ROBO2: variants seen among roughly 807,000 people sequenced by gnomAD.
ROBO2 encodes roundabout homolog 2.
ROBO2 carries 53 observed loss-of-function variants against 160.8 expected under a neutral mutation model. The observed-to-expected ratio is 0.33, with a 90% CI of 0.26 to 0.41. The LOEUF (loss-of-function observed/expected upper bound fraction) is 0.41, where lower values mean the gene tolerates loss of function less well. Ranked by LOEUF, ROBO2 falls within the 10% of genes least tolerant of loss-of-function variation. ROBO2 has a pLI of 1.00. For synonymous variants in ROBO2, 664 were observed against 611.7 expected (o/e 1.09, Z -1.26); for missense variants, 1,577 against 1,722.4 (o/e 0.92, Z 1.49).
chr3:76,506,103 G>A (rs115094174), intron 2 of ROBO2, among the ~76,000 whole-genome samples: 2,900 of 152,232 alleles, frequency 0.019, 63 homozygotes, highest in African/African-American at 0.05. Context: ...CTCTGCCAGC[G>A]TCTCTGTCTA....
intron 2 of ROBO2, among the ~76,000 whole-genome samples, chr3:76,663,877 C>T (rs757478761): frequency 6.6e-6 from 1 of 151,622 alleles, no homozygotes; most frequent in South Asian, 2.1e-4. Flanking sequence ...GCACTTCTGC[C>T]TGGCAACAAG....
intron 2 of ROBO2, among the ~76,000 whole-genome samples, chr3:76,135,898 C>T (rs988211257): frequency 1.3e-5 from 2 of 151,922 alleles, no homozygotes; most frequent in Admixed American, 6.6e-5. Flanking sequence ...TATTACTTCA[C>T]GAGTATTAAA....
chr3:76,828,339 T>A (rs2066759011), intron 2 of ROBO2, among the ~76,000 whole-genome samples: 1 of 152,066 alleles, frequency 6.6e-6, no homozygotes, highest in Non-Finnish European at 1.5e-5. Context: ...ATATGAAATT[T>A]TAATCAGTTA....
At chr3:76,757,791 G>A (rs1250134237) in intron 2 of ROBO2, among the ~76,000 whole-genome samples, 2 of 151,698 alleles carry the variant, frequency 1.3e-5, no homozygotes, top group African/African-American at 2.4e-5. Flanking sequence ...AAACCACAGA[G>A]TTCACTCAGA....
chr3:77,570,834 A>C (rs2093619462), intron 13 of ROBO2, among the ~76,000 whole-genome samples: 2 of 152,018 alleles, frequency 1.3e-5, no homozygotes, highest in African/African-American at 2.4e-5. Context: ...GTTTTGGGCC[A>C]GCTGAGGAAG....
chr3:77,311,233 T>C (rs2063519644), intron 2 of ROBO2, among the ~76,000 whole-genome samples: 1 of 152,200 alleles, frequency 6.6e-6, no homozygotes, highest in African/African-American at 2.4e-5. Context: ...TGGTTTTTGC[T>C]AAAGGCCACA....
intron 2 of ROBO2, among the ~76,000 whole-genome samples, chr3:77,273,452 G>T (rs894012537): frequency 6.6e-6 from 1 of 152,142 alleles, no homozygotes; most frequent in Non-Finnish European, 1.5e-5. Context: ...AGTATTCACG[G>T]ATCTGAGTCT....
chr3:77,554,155 C>T (rs1462106416), intron 8 of ROBO2, among the ~76,000 whole-genome samples: 1 of 151,858 alleles, frequency 6.6e-6, no homozygotes, highest in African/African-American at 2.4e-5. Context: ...TCTACTCTGC[C>T]TGTGCTCTGT....
intron 2 of ROBO2, among the ~76,000 whole-genome samples, chr3:76,808,451 G>C (rs1242031440): frequency 6.6e-6 from 1 of 152,006 alleles, no homozygotes; most frequent in Non-Finnish European, 1.5e-5. Flanking sequence ...GAACACATTA[G>C]TGAATTAAAC....
At chr3:77,452,751 G>A (rs979511641) in intron 2 of ROBO2, among the ~76,000 whole-genome samples, 1 of 151,308 alleles carries the variant, frequency 6.6e-6, no homozygotes, top group African/African-American at 2.5e-5. Flanking sequence ...GATATTTTGT[G>A]TCCTAAAACC....
chr3:76,647,857 T>C (rs2091056443), intron 2 of ROBO2, among the ~76,000 whole-genome samples: 1 of 152,062 alleles, frequency 6.6e-6, no homozygotes, highest in Admixed American at 6.6e-5. Context: ...GTAAAGTAAA[T>C]GTGGGGGAAA....
chr3:76,472,754 A>T (rs572109699), intron 2 of ROBO2, among the ~76,000 whole-genome samples: 7 of 152,324 alleles, frequency 4.6e-5, no homozygotes, highest in South Asian at 2.1e-4. Context: ...GATGCTTGAA[A>T]GGCATCAGAT....
intron 7 of ROBO2, among the ~76,000 whole-genome samples, chr3:77,549,827 T>C (rs1024023356): frequency 6.6e-6 from 1 of 152,032 alleles, no homozygotes; most frequent in Non-Finnish European, 1.5e-5. Flanking sequence ...GATTGCAACG[T>C]ATTGAAACTG....
At chr3:76,504,933 A>C (rs2080714608) in intron 2 of ROBO2, among the ~76,000 whole-genome samples, 1 of 152,104 alleles carries the variant, frequency 6.6e-6, no homozygotes, top group Admixed American at 6.6e-5. Context: ...TATTGTTTCA[A>C]ATTTCATCAT....
At chr3:76,333,744 G>T (rs182738866) in intron 2 of ROBO2, among the ~76,000 whole-genome samples, 1 of 152,054 alleles carries the variant, frequency 6.6e-6, no homozygotes, top group African/African-American at 2.4e-5. Flanking sequence ...TCTTAATCCA[G>T]TCTGTCATTG....
At chr3:76,268,788 GT>G (rs1559701267) in intron 2 of ROBO2, among the ~76,000 whole-genome samples, 1 of 152,116 alleles carries the variant, frequency 6.6e-6, no homozygotes, top group African/African-American at 2.4e-5. Context: ...TAAATTGGAA[GT>G]TGACTGCCTC....
intron 2 of ROBO2, among the ~76,000 whole-genome samples, chr3:76,632,758 A>G (rs746978021): frequency 3.9e-5 from 6 of 152,230 alleles, no homozygotes; most frequent in Non-Finnish European, 7.3e-5. Context: ...CTAAAAAGTC[A>G]TCCAATAAGT....
chr3:77,388,876 T>G (rs1210854888), intron 2 of ROBO2, among the ~76,000 whole-genome samples: 1 of 152,260 alleles, frequency 6.6e-6, no homozygotes, highest in East Asian at 1.9e-4. Flanking sequence ...TGTAGCATTT[T>G]AATACATAGA....
rs565563683 is a variant in ROBO2 at position 76,030,903 on chromosome 3, GA to G, written c.109+93304del. On this transcript the variant is annotated intron_variant, in intron 2 of 26. Coordinates refer to the ROBO2 transcript ENST00000487694. ...AAGTAGTTTTTTCCAATTCTGTGAA[GA>G]AAGTCATTGGTAGCTTGATGGGGAT... Among the ~76,000 whole-genome samples the G allele has an allele frequency of 1.4e-4, 21 of 152,292 alleles. No individual in the cohort carries two copies. The East Asian group carries it at 2.7e-3, about 20-fold the overall frequency.
Sources: gnomAD v4.1 joint callset for allele counts (sites outside exome capture counted in the v4.1 genomes callset) on GRCh38, gnomAD v4.1.1 for gene constraint, MANE v1.5 for transcripts, NCBI Gene and HGNC (gene_info 2026-07-23, HGNC 2026-07-21) for gene names.